CSMD3: variants seen among roughly 807,000 people sequenced by gnomAD.
The protein encoded by CSMD3 is CUB and sushi domain-containing protein 3.
A neutral mutation model predicts 435.2 loss-of-function variants in CSMD3; 177 were observed. The observed-to-expected ratio is 0.41, with a 90% CI of 0.36 to 0.46. The LOEUF (loss-of-function observed/expected upper bound fraction) is 0.46. CSMD3 is among the 20% of genes least tolerant of loss of function. The probability of loss-of-function intolerance (pLI) is 0.34; values close to 1 mark genes in which losing one functional copy is unlikely to be tolerated. For synonymous variants in CSMD3, 1,656 were observed against 1,520.5 expected, an observed-to-expected ratio of 1.09 and a Z score of -2.07; for missense variants, 4,265 against 4,504.6, an observed-to-expected ratio of 0.95 and a Z score of 1.52.
At chr8:112,923,102 C>T (rs547778019) in intron 9 of CSMD3, among the ~76,000 whole-genome samples, 1 of 152,188 alleles carries the variant, frequency 6.6e-6, no homozygotes, top group South Asian at 2.1e-4. Flanking sequence ...TTTTTCAGCC[C>T]TACAGTGTTA....
intron 1 of CSMD3, among the ~76,000 whole-genome samples, chr8:113,422,655 G>C (rs542179004): frequency 6.6e-6 from 1 of 152,170 alleles, no homozygotes; most frequent in South Asian, 2.1e-4. Context: ...CTGGCTTGTA[G>C]ATGTGAAAGA....
chr8:112,810,570 G>C (rs1000645128), intron 12 of CSMD3, among the ~76,000 whole-genome samples: 1 of 151,956 alleles, frequency 6.6e-6, no homozygotes, highest in Non-Finnish European at 1.5e-5. Context: ...GAAACCTATA[G>C]GCTTTTTCCA....
intron 11 of CSMD3, among the ~76,000 whole-genome samples, chr8:112,853,619 C>T (rs2080560177): frequency 1.3e-5 from 2 of 152,188 alleles, no homozygotes; most frequent in Admixed American, 6.5e-5. Context: ...CTATAGCTGA[C>T]AATTTGCAAA....
chr8:112,875,553 A>T (rs889569009), intron 10 of CSMD3, among the ~76,000 whole-genome samples: 7 of 152,306 alleles, frequency 4.6e-5, no homozygotes, highest in African/African-American at 1.7e-4. Flanking sequence ...TTTCATGTAC[A>T]GCAATCAAAC....
chr8:112,617,633 T>C (rs1833760890), intron 22 of CSMD3, among the ~76,000 whole-genome samples: 1 of 152,288 alleles, frequency 6.6e-6, no homozygotes, highest in South Asian at 2.1e-4. Context: ...AGAAATTCCA[T>C]GGCCAGTGGA....
chr8:112,607,840 C>A (rs949184006), intron 22 of CSMD3, among the ~76,000 whole-genome samples: 1 of 151,792 alleles, frequency 6.6e-6, no homozygotes, highest in Non-Finnish European at 1.5e-5. Context: ...ATCAGAAGCC[C>A]ACAGCTGACA....
intron 30 of CSMD3, among the ~76,000 whole-genome samples, chr8:112,498,013 T>C (rs1540550): frequency 0.044 from 6,752 of 152,144 alleles, 203 homozygotes; most frequent in South Asian, 0.12. Flanking sequence ...GTATAATAGG[T>C]GAAGACAGTG....
intron 31 of CSMD3, among the ~76,000 whole-genome samples, chr8:112,474,902 A>T (rs184252832): frequency 9.9e-5 from 15 of 152,232 alleles, no homozygotes; most frequent in African/African-American, 3.6e-4. Context: ...ATCTAGAAAA[A>T]ACAACAAATT....
At position 112,370,047 on chromosome 8, in the gene CSMD3, AGAAGAAGAAGAAG is replaced by A. The variant is rs1828211844; in HGVS notation, c.6136+10292_6136+10304del. ...AGGAAGAAGAAGAAGAAGAAGAAGA[AGAAGAAGAAGAAG>A]AAGAAGAAGAAGAAGAAGAAGAAGT... is the stretch of plus-strand genomic sequence containing the variant. On this transcript the variant is annotated intron_variant, in intron 38 of 70. Transcript: ENST00000297405. 5.3e-5 allele frequency among the ~76,000 whole-genome samples: 4 copies of A among 76,064 alleles called. No individual in the cohort carries two copies. In the South Asian group the frequency reaches 1.9e-3, roughly 37 times the overall value. 49.9% of individuals were successfully genotyped at this position (76,064 alleles called of 152,430 possible).
rs1160317212 is a variant in CSMD3, at chr8:112,313,939, T to A, written c.7663A>T (p.Asn2555Tyr). 1 of 1,612,448 alleles carries A rather than the reference T, an allele frequency of 6.2e-7. No homozygotes were observed. Among genetic ancestry groups the A allele is most frequent in the African/African-American group, 1.3e-5 (1 of 75,006 alleles). Reference sequence around the variant, plus strand: ...CTTATCCGGAAGCCTTTTTTGTTATTGCCATGATCTGCTGACCACTGAAGA... The same window carrying A: ...CTTATCCGGAAGCCTTTTTTGTTATAGCCATGATCTGCTGACCACTGAAGA... ...VFLQWSADHG[N>Y]NKKGFRIRYI... The change falls in exon 49 of 71, where the codon AAT becomes TAT. Residue 2555 changes from asparagine (N) to tyrosine (Y), a missense_variant. Coordinates refer to ENST00000297405, the MANE Select transcript of CSMD3 (RefSeq NM_198123.2).
chr8:112,894,246 G>C (rs2081886368), intron 10 of CSMD3, among the ~76,000 whole-genome samples: 1 of 151,374 alleles, frequency 6.6e-6, no homozygotes, highest in Non-Finnish European at 1.5e-5. Context: ...TCAGCATATA[G>C]ACCCAGATGG....
intron 2 of CSMD3, among the ~76,000 whole-genome samples, chr8:113,296,101 A>G (rs1363168550): frequency 6.6e-6 from 1 of 151,920 alleles, no homozygotes; most frequent in African/African-American, 2.4e-5. Context: ...GAACAATGAG[A>G]ACACATGGAC....
chr8:112,680,964 T>A (rs1440292942), intron 16 of CSMD3, among the ~76,000 whole-genome samples: 1 of 151,672 alleles, frequency 6.6e-6, no homozygotes, highest in Admixed American at 6.6e-5. Flanking sequence ...TATATGACAA[T>A]CTACTAAAGG....
intron 64 of CSMD3, among the ~76,000 whole-genome samples, chr8:112,246,695 T>C (rs1342920495): frequency 1.3e-5 from 2 of 152,180 alleles, no homozygotes; most frequent in Non-Finnish European, 2.9e-5. Flanking sequence ...GTTCCTCGGG[T>C]ATTTTAGATT....
chr8:112,649,211 C>T (rs902133740), intron 19 of CSMD3, among the ~76,000 whole-genome samples: 5 of 152,300 alleles, frequency 3.3e-5, no homozygotes, highest in Middle Eastern at 3.4e-3. Context: ...TCCCACCTTG[C>T]CTTTTCTACT....
At chr8:112,506,601 A>T in intron 29 of CSMD3, 90 bp downstream of exon 29, 1 of 1,261,534 alleles carries the variant, frequency 7.9e-7, no homozygotes, top group Non-Finnish European at 1.2e-6. Flanking sequence ...TGCTATATAC[A>T]GAAATAGGAA....
At chr8:112,315,486 T>A (rs145599748) in intron 47 of CSMD3, among the ~76,000 whole-genome samples, 2 of 151,594 alleles carry the variant, frequency 1.3e-5, no homozygotes, top group South Asian at 2.1e-4. Flanking sequence ...TCTTACAAAA[T>A]TTTTTTGAAG....
chr8:112,816,070 A>G (rs1403792355), intron 12 of CSMD3, among the ~76,000 whole-genome samples: 1 of 152,140 alleles, frequency 6.6e-6, no homozygotes, highest in African/African-American at 2.4e-5. Flanking sequence ...GGGACTACAG[A>G]GCTCTACAGC....
At chr8:113,151,891 T>C (rs1333196838) in intron 4 of CSMD3, among the ~76,000 whole-genome samples, 2 of 152,036 alleles carry the variant, frequency 1.3e-5, no homozygotes, top group African/African-American at 4.8e-5. Context: ...AAAGCATTAC[T>C]GGTGGAAATA....
Sources: allele counts gnomAD v4.1 joint callset (sites outside exome capture counted in the v4.1 genomes callset), GRCh38; gene constraint gnomAD v4.1.1; transcripts MANE v1.5; gene names NCBI Gene and HGNC (gene_info 2026-07-23, HGNC 2026-07-21).